The following IGF2BP1 variants were observed in gnomAD, a reference collection of about 807,000 sequenced individuals.
IGF2BP1 encodes the protein insulin like growth factor 2 mRNA binding protein 1.
IGF2BP1 carries 11 observed loss-of-function variants against 74.9 expected under a neutral mutation model. That is an observed-to-expected ratio of 0.15 (90% confidence interval 0.09 to 0.24). The LOEUF is 0.24. Ranked by LOEUF, IGF2BP1 falls within the 10% of genes least tolerant of loss-of-function variation. The pLI, the probability that IGF2BP1 is intolerant of heterozygous loss-of-function variation, is 1.00. For synonymous variants in IGF2BP1, 287 were observed against 281.8 expected, an observed-to-expected ratio of 1.02 and a Z score of -0.18; for missense variants, 440 against 757.4, an observed-to-expected ratio of 0.58 and a Z score of 4.92.
intron 12 of IGF2BP1, 79 bp from the exon 13 acceptor site, chr17:49,045,811 C>T: frequency 6.7e-7 from 1 of 1,494,828 alleles, no homozygotes; most frequent in Non-Finnish European, 9.1e-7. Context: ...AAAATATGGG[C>T]TGGAGCTTCC....
chr17:49,030,593 T>G (rs193052258), intron 4 of IGF2BP1, among the ~76,000 whole-genome samples: 2 of 152,268 alleles, frequency 1.3e-5, no homozygotes, highest in Admixed American at 1.3e-4. Context: ...CTAATCTCAT[T>G]CAGCGTGTGT....
chr17:49,027,300 C>T (rs1033749343), intron 4 of IGF2BP1, among the ~76,000 whole-genome samples: 5 of 152,148 alleles, frequency 3.3e-5, no homozygotes, highest in African/African-American at 9.7e-5. Flanking sequence ...TAGAACTAGT[C>T]TAAGAACAGA....
At position 48,997,861 on chromosome 17, in the gene IGF2BP1, A is replaced by G; in HGVS notation, c.116A>G (p.Tyr39Cys). The change falls in exon 1 of 15, where the codon TAC (tyrosine) becomes TGC (cysteine). Residue 39 changes from tyrosine to cysteine, a missense_variant. Physicochemically the swap from Tyr to Cys is radical, Grantham distance 194. Coordinates refer to ENST00000290341, the MANE Select transcript of IGF2BP1 (RefSeq NM_006546.4). This position sits in a 1 kb window ranked among gnomAD's most constrained non-coding sequence, Gnocchi z 4.8. The stretch of plus-strand genomic sequence containing the variant: ...GGCCAGTTCTTGGTCAAATCCGGCT[A>G]CGCCTTCGTGGACTGCCCGGACGAG... ...YSGQFLVKSG[Y>C]AFVDCPDEHW... 2 of 1,614,172 alleles carry G rather than the reference A, an allele frequency of 1.2e-6. No individual in the cohort carries two copies. The highest frequency in any genetic ancestry group is 1.7e-6 in the Non-Finnish European group (2 of 1,180,018).
At chr17:49,044,774 C>G (rs1273794102) in intron 11 of IGF2BP1, among the ~76,000 whole-genome samples, 2 of 152,262 alleles carry the variant, frequency 1.3e-5, no homozygotes, top group Non-Finnish European at 2.9e-5. Context: ...TAGAAAGTGT[C>G]ATTGAAGCCA....
intron 1 of IGF2BP1, 33 bp from the exon 2 acceptor site, chr17:48,999,076 C>T (rs1327674000): frequency 1.5e-6 from 2 of 1,309,042 alleles, no homozygotes; most frequent in Non-Finnish European, 2.2e-6. Context: ...CCTGTTCAAG[C>T]TCTCATGGTA....
chr17:49,041,088 A>G (rs914801274), intron 7 of IGF2BP1, among the ~76,000 whole-genome samples: 1 of 152,150 alleles, frequency 6.6e-6, no homozygotes, highest in African/African-American at 2.4e-5. Context: ...CTGAGAAGGG[A>G]GGATCGCATG....
At position 49,055,371 on chromosome 17, in the gene IGF2BP1, G is replaced by C. The variant is rs745827556; in HGVS notation, c.*5927G>C. 3.0e-5 allele frequency: 10 copies of C among 335,452 alleles called. No homozygotes were observed. The highest frequency in any genetic ancestry group is 4.8e-5 in the Non-Finnish European group (9 of 185,972). The allele number at this position is 335,452 out of a possible 1,614,324, so 20.8% of individuals were successfully genotyped here. A position where few individuals can be genotyped will look rare whatever the true frequency, so the allele number is the denominator to read the frequency against. On this transcript the variant is annotated 3_prime_UTR_variant, in exon 15 of 15. Transcript: ENST00000290341. ...CCCATCCCCCACCCTATTCCTGCCA[G>C]TGAGTCCTTCCTGTGCTTCTCTCCC...
At chr17:49,026,364 C>G in intron 3 of IGF2BP1, 102 bp from the exon 4 acceptor site, 1 of 989,550 alleles carries the variant, frequency 1.0e-6, no homozygotes, top group Non-Finnish European at 1.6e-6. Context: ...TCCTATGGCT[C>G]TGTCAATGCC....
intron 2 of IGF2BP1, among the ~76,000 whole-genome samples, chr17:49,023,054 C>T (rs2041811520): frequency 6.6e-6 from 1 of 152,230 alleles, no homozygotes; most frequent in Non-Finnish European, 1.5e-5. Context: ...CTCATTTCTT[C>T]CGGCAGTTTT....
At chr17:49,015,698 G>A (rs1196072858) in intron 2 of IGF2BP1, among the ~76,000 whole-genome samples, 1 of 152,224 alleles carries the variant, frequency 6.6e-6, no homozygotes, top group East Asian at 1.9e-4. Context: ...AAGGTCGGGG[G>A]AGAGGGTGGC....
At chr17:49,045,098 TG>T (rs1430116598) in intron 12 of IGF2BP1, 33 bp downstream of exon 12, 1 of 1,585,972 alleles carries the variant, frequency 6.3e-7, no homozygotes, top group Non-Finnish European at 8.7e-7. Flanking sequence ...AAGCTGAACA[TG>T]GAGGAATTGA....
At chr17:49,037,141 A>G (rs2041999206) in intron 5 of IGF2BP1, 15 of 421,982 alleles carry the variant, frequency 3.6e-5, no homozygotes, top group South Asian at 3.3e-4. Context: ...TTGAAGCAGC[A>G]TCTCAGACAT....
chr17:49,034,736 C>CAAA lies in IGF2BP1; in HGVS notation c.401+2769_401+2771dup, dbSNP rs1254736118. Among the ~76,000 whole-genome samples the CAAA allele has an allele frequency of 5.4e-4, 59 of 108,806 alleles. No individual in the cohort carries two copies. The East Asian group carries it at 0.011, about 20-fold the overall frequency. 71.4% of individuals were successfully genotyped at this position (108,806 alleles called of 152,430 possible). On this transcript the variant is annotated intron_variant, in intron 5 of 14. Coordinates refer to ENST00000290341, the MANE Select transcript of IGF2BP1 (RefSeq NM_006546.4). ...TGGGTAACAGAGTAAGACCCTGTCT[C>CAAA]AAAAAAAACACAAAAAAAACAAAAA... is the stretch of plus-strand genomic sequence containing the variant.
At position 49,053,372 on chromosome 17, in the gene IGF2BP1, C is replaced by G. The variant is rs927801432; in HGVS notation, c.*3928C>G. 6.5e-6 allele frequency: 1 copy of G among 152,750 alleles called. No individual in the cohort carries two copies. The highest frequency in any genetic ancestry group is 2.4e-5 in the African/African-American group (1 of 41,464). 9.5% of individuals were successfully genotyped at this position (152,750 alleles called of 1,614,324 possible). ...TACCTGGCTGTCTGAGGAGGAAGGC[C>G]TCCTGGAAACTGGGAGCTAAGGGCG... On this transcript the variant is annotated 3_prime_UTR_variant, in exon 15 of 15. Transcript: ENST00000290341.
At chr17:49,043,336 C>T in intron 9 of IGF2BP1, 92 bp from the exon 10 acceptor site, 1 of 1,469,554 alleles carries the variant, frequency 6.8e-7, no homozygotes. Flanking sequence ...GGCCCACTTG[C>T]CTCTGGGGCT....
At chr17:49,021,874 C>T (rs1293687150) in intron 2 of IGF2BP1, among the ~76,000 whole-genome samples, 1 of 152,200 alleles carries the variant, frequency 6.6e-6, no homozygotes, top group Non-Finnish European at 1.5e-5. Context: ...GGTCCCTGGT[C>T]CCTGGACCCT....
intron 2 of IGF2BP1, among the ~76,000 whole-genome samples, chr17:49,010,851 G>A (rs1238532794): frequency 6.6e-6 from 1 of 151,910 alleles, no homozygotes; most frequent in Non-Finnish European, 1.5e-5. Context: ...ACTCAGGAAC[G>A]AAAATAGAGG....
chr17:48,998,611 C>G (rs2041439547), intron 1 of IGF2BP1, among the ~76,000 whole-genome samples: 1 of 152,160 alleles, frequency 6.6e-6, no homozygotes, highest in South Asian at 2.1e-4. Context: ...CCAGGCCCCG[C>G]TCCGCTCCCC....
chr17:49,009,167 T>C (rs1199785459), intron 2 of IGF2BP1, among the ~76,000 whole-genome samples: 1 of 152,006 alleles, frequency 6.6e-6, no homozygotes. Context: ...TAGCTGGGAC[T>C]ATAGGTGTGC....
Sources: allele counts gnomAD v4.1 joint callset (sites outside exome capture counted in the v4.1 genomes callset), GRCh38; gene constraint gnomAD v4.1.1; non-coding constraint Gnocchi (gnomAD v3.1); transcripts MANE v1.5; gene names NCBI Gene and HGNC (gene_info 2026-07-23, HGNC 2026-07-21).